The following AHNAK variants were observed in gnomAD, a reference collection of about 807,000 sequenced individuals.
The protein encoded by AHNAK is neuroblast differentiation-associated protein AHNAK.
Under a neutral mutation model 37.8 loss-of-function variants are expected in AHNAK, and 23 were observed. That is an observed-to-expected ratio of 0.61 (90% confidence interval 0.44 to 0.86). AHNAK has a LOEUF of 0.86. AHNAK is among the 40% of genes least tolerant of loss of function. AHNAK has a pLI of 0.00. For missense variants in AHNAK, 7,411 were observed against 7,319.4 expected (o/e 1.01, Z -0.46); for synonymous variants, 2,481 against 2,636.3 (o/e 0.94, Z 1.80).
intron 5 of AHNAK, among the ~76,000 whole-genome samples, chr11:62,440,229 A>G (rs1938274424): frequency 6.6e-6 from 1 of 152,168 alleles, no homozygotes; most frequent in South Asian, 2.1e-4. Context: ...GGCCTTAGAT[A>G]TGATCTAGTG....
At position 62,533,768 on chromosome 11, in the gene AHNAK, G is replaced by C. The variant is rs1162255855; in HGVS notation, c.649C>G (p.Pro217Ala). The C allele has an allele frequency of 1.2e-6, 2 of 1,614,172 alleles. No individual in the cohort carries two copies. Among genetic ancestry groups the C allele is most frequent in the Non-Finnish European group, 1.7e-6 (2 of 1,180,026 alleles). ...RLPSGSGAAS[P>A]TGSAVDIRAG... The stretch of plus-strand genomic sequence containing the variant: ...CGGATATCCACAGCAGAGCCTGTCG[G>C]AGAGGCTGCCCCCGAGCCCGAGGGC... Residue 217 changes from proline to alanine, a missense_variant, in exon 5 of 5, where the codon CCG becomes GCG. Pro to Ala is a conservative substitution (Grantham distance 27). Coordinates refer to ENST00000378024, the MANE Select transcript of AHNAK (RefSeq NM_001620.3).
intron 1 of AHNAK, among the ~76,000 whole-genome samples, chr11:62,538,868 T>C (rs993116884): frequency 3.3e-5 from 5 of 152,222 alleles, no homozygotes; most frequent in African/African-American, 1.2e-4. Context: ...ACAGGTGACC[T>C]CTGAGGATGA....
At chr11:62,539,010 T>C (rs901103882) in intron 1 of AHNAK, among the ~76,000 whole-genome samples, 5 of 152,070 alleles carry the variant, frequency 3.3e-5, no homozygotes, top group African/African-American at 1.2e-4. Context: ...GTGTGGACAA[T>C]GTGTCTCCTT....
rs199930235 is a variant in AHNAK at position 62,522,615 on chromosome 11, C to T, written c.11802G>A (p.Lys3934=). 233 of 1,611,718 alleles carry T rather than the reference C, an allele frequency of 1.4e-4. No individual in the cohort carries two copies. Among genetic ancestry groups the T allele is most frequent in the African/African-American group, 5.4e-4 (40 of 74,160 alleles). The change falls in exon 5 of 5, where the codon AAG becomes AAA. Residue 3934 remains lysine (K), a synonymous_variant. Coordinates refer to ENST00000378024, the MANE Select transcript of AHNAK (RefSeq NM_001620.3). ...RGPDWHLKMP[K]IKMPKISMPG... is the part of the protein sequence containing the mutation. ...GCATGCTGATCTTGGGCATTTTTAT[C>T]TTAGGCATCTTCAGGTGCCAGTCTG...
Position 62,533,753 on chromosome 11 carries a change from C to T in AHNAK, c.664G>A (p.Val222Met), listed in dbSNP as rs911709200. 3 of 1,614,090 alleles carry T rather than the reference C, an allele frequency of 1.9e-6. No individual in the cohort carries two copies. In the African/African-American group the frequency reaches 4.0e-5, roughly 22 times the overall value. Residue 222 changes from valine (V) to methionine (M), a missense_variant, in exon 5 of 5, where the codon GTG becomes ATG. Coordinates refer to ENST00000378024, the MANE Select transcript of AHNAK (RefSeq NM_001620.3). ...GAAATGGCCCCTGCTCGGATATCCA[C>T]AGCAGAGCCTGTCGGAGAGGCTGCC... is the stretch of plus-strand genomic sequence containing the variant. ...SGAASPTGSA[V>M]DIRAGAISAS... is the part of the protein sequence containing the mutation.
intron 4 of AHNAK, among the ~76,000 whole-genome samples, chr11:62,505,979 G>T (rs1179547214): frequency 7.6e-6 from 1 of 130,912 alleles, no homozygotes; most frequent in Non-Finnish European, 1.6e-5. Context: ...CTGGAGCCCA[G>T]CCTGGGCAAA....
chr11:62,512,515 T>G (rs946128726), downstream of AHNAK, among the ~76,000 whole-genome samples: 1 of 152,156 alleles, frequency 6.6e-6, no homozygotes, highest in Admixed American at 6.5e-5. This position sits in a 1 kb window ranked among gnomAD's most constrained non-coding sequence, Gnocchi z 4.0. Flanking sequence ...ATAAACTGTC[T>G]CTTTATTAGG....
chr11:62,473,719 A>C (rs574783430), intron 5 of AHNAK, among the ~76,000 whole-genome samples: 8 of 151,172 alleles, frequency 5.3e-5, no homozygotes, highest in African/African-American at 1.9e-4. Context: ...AATGATAGGA[A>C]CCAGGCTCAG....
chr11:62,518,548 A>C lies in AHNAK; in HGVS notation c.15869T>G (p.Val5290Gly). ...AGAGACTTTTGGCATAGAGAGGTTC[A>C]CTGAAGGCAAGTCTACTCCTGGCCC... ...LKGPGVDLPS[V>G]NLSMPKVSGP... Residue 5290 changes from valine (V) to glycine (G), a missense_variant, in exon 5 of 5, where the codon GTG (valine) becomes GGG (glycine). Val to Gly is a moderately radical substitution (Grantham distance 109, BLOSUM62 -3). Transcript: ENST00000378024. 6.2e-7 allele frequency: 1 copy of C among 1,614,142 alleles called. No individual in the cohort carries two copies. Among genetic ancestry groups the C allele is most frequent in the Non-Finnish European group, 8.5e-7 (1 of 1,180,032 alleles).
In AHNAK at chr11:62,452,340, A is replaced by G. The variant is rs146232073; in HGVS notation, c.443-18449T>C. On this transcript the variant is annotated intron_variant, in intron 5 of 5. Transcript: ENST00000257247. ...AGTGCACCCAGTCAGTGAGAAAGCC[A>G]GAACTGGATGCAGGCCGTCCCGCTC... is the stretch of plus-strand genomic sequence containing the variant. 4.7e-3 allele frequency among the ~76,000 whole-genome samples: 721 copies of G among 152,318 alleles called. 10 individuals are homozygous for G. The highest frequency in any genetic ancestry group is 0.016 in the African/African-American group (686 of 41,578).
rs371955022 is a variant in AHNAK, at chr11:62,523,158, G to A, written c.11259C>T (p.Asn3753=). 38 of 1,613,438 alleles carry A rather than the reference G, an allele frequency of 2.4e-5. No homozygotes were observed. In the African/African-American group the frequency reaches 3.7e-4, roughly 16 times the overall value. Residue 3753 remains asparagine, a synonymous_variant, in exon 5 of 5, where the codon AAC becomes AAT. Coordinates refer to ENST00000378024, the MANE Select transcript of AHNAK (RefSeq NM_001620.3). ...CGCCCTTGACTTTGGGGCCCTTCAG[G>A]TTTAAATCAATGTCAGGCATCGATA... ...PKISMPDIDL[N]LKGPKVKGDV... is the part of the protein sequence containing the mutation.
rs1204057712 is a variant in AHNAK at position 62,523,116 on chromosome 11, C to T, written c.11301G>A (p.Leu3767=). 6.2e-7 allele frequency: 1 copy of T among 1,614,018 alleles called. No individual in the cohort carries two copies. Among genetic ancestry groups the T allele is most frequent in the East Asian group, 2.2e-5 (1 of 44,868 alleles). The part of the protein sequence containing the change: ...PKVKGDVDVS[L]PKMEGDLKGP... The stretch of plus-strand genomic sequence containing the variant: ...CCTTGAGGTCACCTTCCATTTTGGG[C>T]AGAGAAACATCCACATCGCCCTTGA... The change falls in exon 5 of 5, where the codon CTG becomes CTA. Residue 3767 remains leucine (L), a synonymous_variant. Transcript: ENST00000378024.
intron 5 of AHNAK, among the ~76,000 whole-genome samples, chr11:62,479,800 T>C (rs1939228985): frequency 6.6e-6 from 1 of 152,206 alleles, no homozygotes; most frequent in African/African-American, 2.4e-5. Flanking sequence ...GGGTGATCCA[T>C]TCCTGCATGC....
At chr11:62,505,827 C>T (rs1939801094) in intron 4 of AHNAK, among the ~76,000 whole-genome samples, 1 of 151,084 alleles carries the variant, frequency 6.6e-6, no homozygotes, top group South Asian at 2.1e-4. Context: ...CTCTTTCTCT[C>T]GTTTCCCCCC....
chr11:62,530,708 C>G lies in AHNAK; in HGVS notation c.3709G>C (p.Asp1237His). The G allele has an allele frequency of 6.2e-7, 1 of 1,613,776 alleles. No individual in the cohort carries two copies. The highest frequency in any genetic ancestry group is 1.1e-5 in the South Asian group (1 of 91,062). ...ACCTCCACATCTGGGGCATCAATGT[C>G]CATTTTGGGTCCTTTGATTTCAACA... ...PDVEIKGPKMDIDAPDVEVQG... is the reference protein window; with the variant it reads ...PDVEIKGPKMHIDAPDVEVQG... The change falls in exon 5 of 5, where the codon GAC (aspartate) becomes CAC (histidine). Residue 1237 changes from aspartate to histidine, a missense_variant. Asp to His is a moderately conservative substitution (Grantham distance 81, BLOSUM62 -1). Coordinates refer to ENST00000378024, the MANE Select transcript of AHNAK (RefSeq NM_001620.3).
chr11:62,534,939 T>G, intron 4 of AHNAK, 64 bp downstream of exon 4: 4 of 1,532,642 alleles, frequency 2.6e-6, no homozygotes, highest in African/African-American at 1.4e-5. Flanking sequence ...GGCTCAGGAG[T>G]GGGGTCAGCA....
Position 62,525,722 on chromosome 11 carries a change from T to C in AHNAK, c.8695A>G (p.Met2899Val). The C allele has an allele frequency of 6.2e-7, 1 of 1,612,914 alleles. No homozygotes were observed. The highest frequency in any genetic ancestry group is 8.5e-7 in the Non-Finnish European group (1 of 1,179,810). ...AAGCCAGGCATGCTGAACTTGGGCATTTTCATCTTGGGCATCTTCAGGTGC... is the reference window on the plus strand; with the variant it reads ...AAGCCAGGCATGCTGAACTTGGGCACTTTCATCTTGGGCATCTTCAGGTGC... ...DWHLKMPKMK[M>V]PKFSMPGFKA... The change falls in exon 5 of 5, where the codon ATG (methionine) becomes GTG (valine). Residue 2899 changes from methionine (M) to valine (V), a missense_variant. By Grantham distance (21) the Met-to-Val change is conservative. Coordinates refer to ENST00000378024, the MANE Select transcript of AHNAK (RefSeq NM_001620.3).
chr11:62,487,123 C>T (rs75462669), intron 5 of AHNAK, among the ~76,000 whole-genome samples: 1,872 of 152,300 alleles, frequency 0.012, 29 homozygotes, highest in African/African-American at 0.04. Flanking sequence ...CTGGTGACAG[C>T]TTAGGTGACC....
chr11:62,539,187 A>G (rs1222134380), intron 1 of AHNAK, among the ~76,000 whole-genome samples: 3 of 152,206 alleles, frequency 2.0e-5, no homozygotes, highest in Non-Finnish European at 4.4e-5. Flanking sequence ...TAAATGGCAC[A>G]TTCTCTCCCA....
Sources: allele counts gnomAD v4.1 joint callset (sites outside exome capture counted in the v4.1 genomes callset), GRCh38; gene constraint gnomAD v4.1.1; non-coding constraint Gnocchi (gnomAD v3.1); transcripts MANE v1.5; gene names NCBI Gene and HGNC (gene_info 2026-07-23, HGNC 2026-07-21).